Variants in RBFOX1 observed in about 807,000 individuals in gnomAD.
The protein encoded by RBFOX1 is RNA binding protein fox-1 homolog 1.
A neutral mutation model predicts 57.7 loss-of-function variants in RBFOX1; 8 were observed. The ratio of observed to expected loss-of-function variants is 0.14; its 90% CI spans 0.08 to 0.25. RBFOX1 has a LOEUF of 0.25. Among genes scored for constraint, RBFOX1 ranks in the 10% least tolerant of loss-of-function variants. The probability of loss-of-function intolerance (pLI) is 1.00; values close to 1 mark genes in which losing one functional copy is unlikely to be tolerated. For synonymous variants in RBFOX1, 326 were observed against 222.4 expected, an observed-to-expected ratio of 1.47 and a Z score of -4.15; for missense variants, 611 against 548.5, an observed-to-expected ratio of 1.11 and a Z score of -1.14.
At chr16:6,129,517 A>C (rs755375294) in intron 1 of RBFOX1, among the ~76,000 whole-genome samples, 68 of 152,286 alleles carry the variant, frequency 4.5e-4, no homozygotes, top group Non-Finnish European at 7.4e-4. Flanking sequence ...ACAGAGTCAG[A>C]GATCTGTGGG....
chr16:5,991,996 GA>G (rs1257252007), intron 4 of RBFOX1, among the ~76,000 whole-genome samples: 1 of 151,984 alleles, frequency 6.6e-6, no homozygotes, highest in Non-Finnish European at 1.5e-5. Flanking sequence ...CAGGTAGTGA[GA>G]AAAAAATACA....
chr16:7,602,301 G>C (rs2095067509), intron 9 of RBFOX1, among the ~76,000 whole-genome samples: 1 of 152,140 alleles, frequency 6.6e-6, no homozygotes, highest in African/African-American at 2.4e-5. Flanking sequence ...TGGCCACGGA[G>C]GGGTCTAAAC....
intron 2 of RBFOX1, among the ~76,000 whole-genome samples, chr16:5,532,340 T>A (rs1434719515): frequency 1.3e-5 from 2 of 152,222 alleles, no homozygotes; most frequent in Non-Finnish European, 2.9e-5. Flanking sequence ...TTGTTCTAGA[T>A]AATAAGCTCC....
At chr16:7,379,741 C>A (rs1349231304) in intron 4 of RBFOX1, among the ~76,000 whole-genome samples, 1 of 151,688 alleles carries the variant, frequency 6.6e-6, no homozygotes, top group Non-Finnish European at 1.5e-5. Context: ...TTTCTGCCTG[C>A]CTGCTTGCCT....
At chr16:6,190,848 T>G (rs1404462658) in intron 1 of RBFOX1, among the ~76,000 whole-genome samples, 1 of 152,210 alleles carries the variant, frequency 6.6e-6, no homozygotes, top group Admixed American at 6.5e-5. Context: ...AGCCCACATT[T>G]AAACCGAGTT....
At chr16:6,525,375 A>AGAGCGT (rs2096564177) in intron 2 of RBFOX1, among the ~76,000 whole-genome samples, 1 of 152,180 alleles carries the variant, frequency 6.6e-6, no homozygotes, top group African/African-American at 2.4e-5. Flanking sequence ...CTCCTGAGCA[A>AGAGCGT]GAGCGTGAGC....
Position 6,363,601 on chromosome 16 carries a change from G to A in RBFOX1, c.-64+46544G>A, listed in dbSNP as rs891912987. The stretch of plus-strand genomic sequence containing the variant: ...CAAGAATGAGTGTCACATTTTTGAA[G>A]GGAACAGCAGTGACAGCACAACAAC... On this transcript the variant is annotated intron_variant, in intron 2 of 15. Transcript: ENST00000550418. Among the ~76,000 whole-genome samples, 6 of 152,330 alleles carry A rather than the reference G, an allele frequency of 3.9e-5. No homozygotes were observed. The South Asian group carries it at 1.2e-3, about 32-fold the overall frequency.
chr16:6,991,696 C>G (rs774290336), intron 3 of RBFOX1, among the ~76,000 whole-genome samples: 1 of 152,064 alleles, frequency 6.6e-6, no homozygotes, highest in South Asian at 2.1e-4. Flanking sequence ...GCTGCCATTC[C>G]TGCCTGACTT....
At chr16:6,892,601 T>C (rs1438826671) in intron 3 of RBFOX1, among the ~76,000 whole-genome samples, 1 of 152,034 alleles carries the variant, frequency 6.6e-6, no homozygotes, top group Non-Finnish European at 1.5e-5. Context: ...ACCTGGGAAA[T>C]GGAAGTTGCA....
At chr16:5,253,013 C>G (rs1033773917) in intron 1 of RBFOX1, among the ~76,000 whole-genome samples, 2 of 152,228 alleles carry the variant, frequency 1.3e-5, no homozygotes, top group Non-Finnish European at 2.9e-5. Context: ...GATTCATCAG[C>G]GTGAGGGGTT....
chr16:5,361,709 C>A (rs567000188), intron 1 of RBFOX1, among the ~76,000 whole-genome samples: 1 of 152,176 alleles, frequency 6.6e-6, no homozygotes, highest in African/African-American at 2.4e-5. Context: ...AAAAACAATT[C>A]CAGGTACCTG....
At chr16:6,625,534 G>T (rs1377761641) in intron 2 of RBFOX1, among the ~76,000 whole-genome samples, 1 of 152,140 alleles carries the variant, frequency 6.6e-6, no homozygotes, top group African/African-American at 2.4e-5. Context: ...AAAACTTTAA[G>T]AAAGCCCTCT....
At chr16:7,484,417 C>G (rs2064840101) in intron 4 of RBFOX1, among the ~76,000 whole-genome samples, 1 of 152,066 alleles carries the variant, frequency 6.6e-6, no homozygotes, top group Non-Finnish European at 1.5e-5. Context: ...TTGTTGTTAT[C>G]CAAAGTGGCT....
chr16:5,741,279 A>T (rs1413243758), intron 3 of RBFOX1, among the ~76,000 whole-genome samples: 1 of 152,230 alleles, frequency 6.6e-6, no homozygotes, highest in Non-Finnish European at 1.5e-5. Flanking sequence ...TGCAGGAGTC[A>T]TAAGGCCGCA....
chr16:5,375,463 T>G (rs747419305), intron 1 of RBFOX1, among the ~76,000 whole-genome samples: 1 of 151,974 alleles, frequency 6.6e-6, no homozygotes, highest in African/African-American at 2.4e-5. Flanking sequence ...GAGTCTGGGA[T>G]AGTGACGGTG....
At chr16:6,950,113 ATTT>A (rs58222300) in intron 3 of RBFOX1, among the ~76,000 whole-genome samples, 3 of 120,930 alleles carry the variant, frequency 2.5e-5, no homozygotes, top group African/African-American at 6.8e-5. Flanking sequence ...CGCAGAGGTA[ATTT>A]TTTTTTTTTT....
chr16:7,498,175 G>A (rs1197847854), intron 4 of RBFOX1, among the ~76,000 whole-genome samples: 4 of 152,154 alleles, frequency 2.6e-5, no homozygotes, highest in Non-Finnish European at 4.4e-5. Flanking sequence ...TGTGGGGTGG[G>A]ATGGAGATCA....
Position 7,709,063 on chromosome 16 carries a change from C to G in RBFOX1, c.1003C>G (p.Arg335Gly). ...CCTCTATTTTCCTTTCAGTTACGGA[C>G]GAGTTTATGCTGCCGACCCCTACCA... ...TAAAYSDSYG[R>G]VYAADPYHHA... Residue 335 changes from arginine to glycine, a missense_variant, in exon 15 of 16, where the codon CGA becomes GGA. By Grantham distance (125) the Arg-to-Gly change is moderately radical. Coordinates refer to ENST00000550418, the MANE Select transcript of RBFOX1 (RefSeq NM_018723.4). 6 of 1,613,338 alleles carry G rather than the reference C, an allele frequency of 3.7e-6. No homozygotes were observed. The highest frequency in any genetic ancestry group is 4.2e-6 in the Non-Finnish European group (5 of 1,179,396).
At chr16:7,443,734 C>G (rs2098787734) in intron 4 of RBFOX1, among the ~76,000 whole-genome samples, 1 of 152,146 alleles carries the variant, frequency 6.6e-6, no homozygotes, top group African/African-American at 2.4e-5. Context: ...TTATTCAAAC[C>G]TCTCTAAACC....
Sources: gnomAD v4.1 joint callset for allele counts (sites outside exome capture counted in the v4.1 genomes callset) on GRCh38, gnomAD v4.1.1 for gene constraint, MANE v1.5 for transcripts, NCBI Gene and HGNC (gene_info 2026-07-23, HGNC 2026-07-21) for gene names.